Variants in GLT8D1 observed in about 807,000 individuals in gnomAD.
GLT8D1 encodes the protein glycosyltransferase 8 domain containing 1.
GLT8D1 carries 41 observed loss-of-function variants against 46.2 expected under a neutral mutation model. The ratio of observed to expected loss-of-function variants is 0.89; its 90% CI spans 0.69 to 1.15. The LOEUF (loss-of-function observed/expected upper bound fraction) is 1.15. Among genes scored for constraint, GLT8D1 ranks in the 50% most tolerant of loss-of-function variants. The pLI is 0.00. For synonymous variants in GLT8D1, 150 were observed against 154.2 expected (o/e 0.97, Z 0.20); for missense variants, 408 against 449.3 (o/e 0.91, Z 0.83).
At chr3:52,704,563 G>GAAACT (rs2097342270) in intron 1 of GLT8D1, among the ~76,000 whole-genome samples, 2 of 151,368 alleles carry the variant, frequency 1.3e-5, no homozygotes, top group Admixed American at 6.6e-5. Context: ...GCATGAGAAG[G>GAAACT]AAACAGGAAT....
chr3:52,699,518 C>T (rs550804068), intron 3 of GLT8D1, among the ~76,000 whole-genome samples: 4 of 152,230 alleles, frequency 2.6e-5, no homozygotes, highest in East Asian at 1.9e-4. Context: ...CTCCTGACCT[C>T]GTGATCTGCC....
At position 52,696,306 on chromosome 3, in the gene GLT8D1, T is replaced by C. The variant is rs770123883; in HGVS notation, c.460A>G (p.Arg154Gly). The stretch of plus-strand genomic sequence containing the variant: ...GGAACCAGAATTGGCAAGTAGAACC[T>C]TGCAAAGGTTAACTGGAAAAGGAAA... The part of the protein sequence containing the change: ...GESMKPLTFA[R>G]FYLPILVPSA... Residue 154 changes from arginine to glycine, a missense_variant, in exon 6 of 10, where the codon AGG (arginine) becomes GGG (glycine). By Grantham distance (125) the Arg-to-Gly change is moderately radical (BLOSUM62 -2). Coordinates refer to ENST00000266014, the MANE Select transcript of GLT8D1 (RefSeq NM_018446.4). 1 of 1,607,398 alleles carries C rather than the reference T, an allele frequency of 6.2e-7. No individual in the cohort carries two copies. The highest frequency in any genetic ancestry group is 1.7e-5 in the Admixed American group (1 of 60,018).
intron 3 of GLT8D1, among the ~76,000 whole-genome samples, chr3:52,699,235 C>G (rs2097337117): frequency 6.6e-6 from 1 of 151,796 alleles, no homozygotes; most frequent in Non-Finnish European, 1.5e-5. Context: ...TCCATAGGCA[C>G]AGAAGATAAA....
At position 52,702,727 on chromosome 3, in the gene GLT8D1, T is replaced by A. The variant is rs115175878; in HGVS notation, c.-36-2231A>T. Among the ~76,000 whole-genome samples the A allele has an allele frequency of 7.3e-3, 1,109 of 151,104 alleles. 17 individuals are homozygous for A. The highest frequency in any genetic ancestry group is 0.04 in the East Asian group (208 of 5,142). On this transcript the variant is annotated intron_variant, in intron 1 of 9. Coordinates refer to ENST00000266014, the MANE Select transcript of GLT8D1 (RefSeq NM_018446.4). ...CCCCATATCTAAAAAAAATTTTTTT[T>A]AAAAATGGGATCACAGGCCAGATTA...
rs2097343832 is a variant in GLT8D1, at chr3:52,705,765, T to C, written c.-355A>G. On this transcript the variant is annotated 5_prime_UTR_variant, in exon 1 of 10. Coordinates refer to ENST00000266014, the MANE Select transcript of GLT8D1 (RefSeq NM_018446.4). The stretch of plus-strand genomic sequence containing the variant: ...CCAGCCAGCCCGCAGCGGTAACCGC[T>C]AGAGCGTCGCGCCAAGCAGGCGCCG... The C allele has an allele frequency of 8.8e-7, 1 of 1,136,008 alleles. No homozygotes were observed. The highest frequency in any genetic ancestry group is 1.1e-6 in the Non-Finnish European group (1 of 884,880). 70.4% of individuals were successfully genotyped at this position (1,136,008 alleles called of 1,614,324 possible).
At position 52,705,750 on chromosome 3, in the gene GLT8D1, C is replaced by T; in HGVS notation, c.-340G>A. ...GCAGCCCCACTACGCCCAGCCAGCC[C>T]GCAGCGGTAACCGCTAGAGCGTCGC... is the stretch of plus-strand genomic sequence containing the variant. On this transcript the variant is annotated 5_prime_UTR_variant, in exon 1 of 10. Transcript: ENST00000266014. 1.0e-6 allele frequency: 1 copy of T among 984,988 alleles called. No homozygotes were observed. The highest frequency in any genetic ancestry group is 1.3e-6 in the Non-Finnish European group (1 of 762,816). 61.0% of individuals were successfully genotyped at this position (984,988 alleles called of 1,614,324 possible).
chr3:52,702,443 G>A (rs1472507800), intron 1 of GLT8D1, among the ~76,000 whole-genome samples: 1 of 152,178 alleles, frequency 6.6e-6, no homozygotes, highest in East Asian at 1.9e-4. Context: ...GCATTTGGGA[G>A]GCTAAGGCAG....
In GLT8D1 at chr3:52,695,404, G is replaced by A; in HGVS notation, c.812+17C>T. ...AAATACAACAGTTTTTCACAGCTAG[G>A]CCAGTTACATACTTACTCTACATTG... On this transcript the variant is annotated intron_variant, in intron 8 of 9. Transcript: ENST00000266014. The A allele has an allele frequency of 6.2e-7, 1 of 1,607,800 alleles. No homozygotes were observed. Among genetic ancestry groups the A allele is most frequent in the Non-Finnish European group, 8.5e-7 (1 of 1,174,874 alleles).
intron 1 of GLT8D1, chr3:52,703,956 G>A (rs2097341480): frequency 6.6e-6 from 1 of 152,190 alleles, no homozygotes; most frequent in South Asian, 2.1e-4. Flanking sequence ...ATTTTCGTAA[G>A]AGTATATAAT....
chr3:52,699,746 C>T (rs1173264245), intron 3 of GLT8D1, among the ~76,000 whole-genome samples: 2 of 152,112 alleles, frequency 1.3e-5, no homozygotes, highest in Non-Finnish European at 2.9e-5. Flanking sequence ...CCGTGAAAGT[C>T]AGGGGAAAGC....
chr3:52,701,124 G>A (rs2097339006), intron 1 of GLT8D1: 1 of 152,118 alleles, frequency 6.6e-6, no homozygotes, highest in South Asian at 2.1e-4. Flanking sequence ...AAGTAGACAT[G>A]GATTCACGTT....
chr3:52,704,213 C>G (rs2097341735), intron 1 of GLT8D1, among the ~76,000 whole-genome samples: 2 of 151,424 alleles, frequency 1.3e-5, no homozygotes, highest in African/African-American at 2.4e-5. Context: ...AATCCCAGCA[C>G]TTTGGAAGGC....
rs2097332258 is a variant in GLT8D1, at chr3:52,695,459, T to C, written c.774A>G (p.Ile258Met). 3.1e-6 allele frequency: 5 copies of C among 1,614,024 alleles called. No homozygotes were observed. Among genetic ancestry groups the C allele is most frequent in the Non-Finnish European group, 4.2e-6 (5 of 1,179,884 alleles). ...ANLTEWKRQNITNQLEKWMKL... is the reference protein window; with the variant it reads ...ANLTEWKRQNMTNQLEKWMKL... The stretch of plus-strand genomic sequence containing the variant: ...TCATCCATTTTTCCAGTTGGTTAGT[T>C]ATATTCTGTCGTTTCCATTCCGTCA... Residue 258 changes from isoleucine (I) to methionine (M), a missense_variant, in exon 8 of 10, where the codon ATA (isoleucine) becomes ATG (methionine). Physicochemically the swap from Ile to Met is conservative, Grantham distance 10 (BLOSUM62 1). Coordinates refer to ENST00000266014, the MANE Select transcript of GLT8D1 (RefSeq NM_018446.4).
chr3:52,700,356 G>A lies in GLT8D1; in HGVS notation c.21C>T (p.Asn7=). Residue 7 remains asparagine, a synonymous_variant, in exon 3 of 10, where the codon AAC becomes AAT. Coordinates refer to ENST00000266014, the MANE Select transcript of GLT8D1 (RefSeq NM_018446.4). MSFRKV[N]IIILVLAVAL... Reference sequence around the variant, plus strand: ...CAACAGCCAGGACCAAGATGATGATGTTTACTGAAATAGATAGGGAAAACC... The same window carrying A: ...CAACAGCCAGGACCAAGATGATGATATTTACTGAAATAGATAGGGAAAACC... The A allele has an allele frequency of 1.2e-6, 2 of 1,611,796 alleles. No homozygotes were observed. The highest frequency in any genetic ancestry group is 1.7e-6 in the Non-Finnish European group (2 of 1,178,042).
rs1217025626 is a variant in GLT8D1 at position 52,697,408 on chromosome 3, G to A, written c.329+313C>T. 2.8e-5 allele frequency: 10 copies of A among 356,604 alleles called. No homozygotes were observed. In the East Asian group the frequency reaches 6.5e-4, roughly 23 times the overall value. The allele number at this position is 356,604 out of a possible 1,614,324, so 22.1% of individuals were successfully genotyped here. A position where few individuals can be genotyped will look rare whatever the true frequency, so the allele number is the denominator to read the frequency against. On this transcript the variant is annotated intron_variant, in intron 4 of 9. Transcript: ENST00000266014. ...AGCATGTCCATGAAATAAGGAACTTGTGACTTGTAAATCAACATTTACTGC... is the reference window on the plus strand; with the variant it reads ...AGCATGTCCATGAAATAAGGAACTTATGACTTGTAAATCAACATTTACTGC...
chr3:52,697,644 G>GA, intron 4 of GLT8D1, 77 bp downstream of exon 4: 1 of 968,190 alleles, frequency 1.0e-6, no homozygotes, highest in South Asian at 1.3e-5. Flanking sequence ...ACAAACCACA[G>GA]AAAAACAGAT....
chr3:52,702,314 C>T (rs1411173196), intron 1 of GLT8D1, among the ~76,000 whole-genome samples: 2 of 152,080 alleles, frequency 1.3e-5, no homozygotes, highest in Admixed American at 6.6e-5. Flanking sequence ...ACAAGGCTAA[C>T]GCGGGCAGAT....
At position 52,695,008 on chromosome 3, in the gene GLT8D1, G is replaced by C; in HGVS notation, c.953C>G (p.Pro318Arg). Residue 318 changes from proline to arginine, a missense_variant, in exon 10 of 10, where the codon CCT becomes CGT. By Grantham distance (103) the Pro-to-Arg change is moderately radical. Transcript: ENST00000266014. ...TAACTTGGCAGCCTTTACAAACTGAGGTGAATATCGTTTTCCAGCACTGGA... is the reference window on the plus strand; with the variant it reads ...TAACTTGGCAGCCTTTACAAACTGACGTGAATATCGTTTTCCAGCACTGGA... ...LGSSAGKRYS[P>R]QFVKAAKLLH... The C allele has an allele frequency of 6.2e-7, 1 of 1,612,280 alleles. No individual in the cohort carries two copies. The highest frequency in any genetic ancestry group is 8.5e-7 in the Non-Finnish European group (1 of 1,178,348).
Position 52,694,698 on chromosome 3 carries a change from A to G in GLT8D1, c.*147T>C. The G allele has an allele frequency of 2.9e-6, 2 of 686,412 alleles. No individual in the cohort carries two copies. Among genetic ancestry groups the G allele is most frequent in the Admixed American group, 2.0e-5 (1 of 48,836 alleles). 42.5% of individuals were successfully genotyped at this position (686,412 alleles called of 1,614,324 possible). Reference sequence around the variant, plus strand: ...CTGTCTGGGAAGCTGACTGCCAGACAGGGCAGTTTGTCATCTTTACCTAGC... The same window carrying G: ...CTGTCTGGGAAGCTGACTGCCAGACGGGGCAGTTTGTCATCTTTACCTAGC... On this transcript the variant is annotated 3_prime_UTR_variant, in exon 10 of 10. Transcript: ENST00000266014.
Sources: gnomAD v4.1 joint callset for allele counts (sites outside exome capture counted in the v4.1 genomes callset) on GRCh38, gnomAD v4.1.1 for gene constraint, MANE v1.5 for transcripts, NCBI Gene and HGNC (gene_info 2026-07-23, HGNC 2026-07-21) for gene names.